Variants in MGAT4C observed in about 807,000 individuals in gnomAD.
MGAT4C encodes the protein MGAT4 family member C, also known as alpha-1,3-mannosyl-glycoprotein 4-beta-N-acetylglucosaminyltransferase C.
Under a neutral mutation model 40.1 loss-of-function variants are expected in MGAT4C, and 19 were observed. That is an observed-to-expected ratio of 0.47 (90% CI 0.33 to 0.70). MGAT4C has a LOEUF of 0.70. Among genes scored for constraint, MGAT4C ranks in the 30% least tolerant of loss-of-function variants. MGAT4C has a pLI of 0.02. For missense variants in MGAT4C, 491 were observed against 563.2 expected (o/e 0.87, Z 1.30); for synonymous variants, 181 against 187.1 (o/e 0.97, Z 0.27).
intron 2 of MGAT4C, among the ~76,000 whole-genome samples, chr12:86,559,538 A>G (rs1959767669): frequency 6.6e-6 from 1 of 152,032 alleles, no homozygotes; most frequent in African/African-American, 2.4e-5. Flanking sequence ...AAATTCAACA[A>G]CATGCTCTTG....
intron 1 of MGAT4C, among the ~76,000 whole-genome samples, chr12:86,078,746 T>C (rs1250331952): frequency 6.6e-6 from 1 of 152,182 alleles, no homozygotes; most frequent in African/African-American, 2.4e-5. Context: ...ACTTTGTTCA[T>C]GGCCCATCGG....
At chr12:86,317,971 G>A (rs550043384) in intron 4 of MGAT4C, among the ~76,000 whole-genome samples, 1 of 151,672 alleles carries the variant, frequency 6.6e-6, no homozygotes, top group East Asian at 1.9e-4. Flanking sequence ...TTTATCTTAT[G>A]TTAAAAGAAT....
chr12:86,174,899 C>T (rs774194237), intron 1 of MGAT4C, among the ~76,000 whole-genome samples: 1 of 152,040 alleles, frequency 6.6e-6, no homozygotes, highest in Non-Finnish European at 1.5e-5. Flanking sequence ...TAGCATTTAG[C>T]CTGCTTGGTA....
chr12:86,482,103 A>C (rs866008038), intron 2 of MGAT4C, among the ~76,000 whole-genome samples: 8 of 71,396 alleles, frequency 1.1e-4, no homozygotes, highest in African/African-American at 2.5e-4. Flanking sequence ...CACACACACA[A>C]GCAAGTCTTC....
At chr12:86,656,710 T>G (rs1207291296) in intron 2 of MGAT4C, among the ~76,000 whole-genome samples, 1 of 151,664 alleles carries the variant, frequency 6.6e-6, no homozygotes, top group Non-Finnish European at 1.5e-5. Context: ...AAACCTTGTG[T>G]TTTTTTTGTG....
At chr12:86,588,139 T>C (rs1394559999) in intron 2 of MGAT4C, among the ~76,000 whole-genome samples, 3 of 151,712 alleles carry the variant, frequency 2.0e-5, no homozygotes, top group African/African-American at 7.3e-5. Context: ...ACCTAATTTA[T>C]TGAGAGTTTT....
intron 3 of MGAT4C, among the ~76,000 whole-genome samples, chr12:86,402,639 A>C (rs1956390198): frequency 6.6e-6 from 1 of 152,266 alleles, no homozygotes; most frequent in African/African-American, 2.4e-5. Flanking sequence ...GACAATAAAC[A>C]ATATCTGTTA....
intron 3 of MGAT4C, among the ~76,000 whole-genome samples, chr12:86,339,566 A>G (rs1037660903): frequency 6.6e-6 from 1 of 152,176 alleles, no homozygotes; most frequent in African/African-American, 2.4e-5. Flanking sequence ...TCTTTGTATT[A>G]AACATATATA....
At chr12:86,716,596 T>G (rs568057726) in intron 2 of MGAT4C, among the ~76,000 whole-genome samples, 1 of 152,248 alleles carries the variant, frequency 6.6e-6, no homozygotes, top group South Asian at 2.1e-4. Context: ...GAGAAGTTAT[T>G]AATAGTTTGC....
chr12:86,630,601 T>A (rs1447377215), intron 2 of MGAT4C, among the ~76,000 whole-genome samples: 1 of 151,994 alleles, frequency 6.6e-6, no homozygotes, highest in Non-Finnish European at 1.5e-5. Context: ...GTTCAACATA[T>A]GCAAATCAAT....
At chr12:86,397,836 G>T (rs553375099) in intron 3 of MGAT4C, among the ~76,000 whole-genome samples, 1 of 152,238 alleles carries the variant, frequency 6.6e-6, no homozygotes, top group South Asian at 2.1e-4. Flanking sequence ...GGTGGAGCGT[G>T]CCCGTAGTCC....
At chr12:86,650,581 A>G (rs915622339) in intron 2 of MGAT4C, among the ~76,000 whole-genome samples, 1 of 151,878 alleles carries the variant, frequency 6.6e-6, no homozygotes, top group African/African-American at 2.4e-5. Context: ...TGTGGTTTTA[A>G]TTTGACTTAT....
chr12:86,442,935 T>C (rs1050012292), intron 2 of MGAT4C, among the ~76,000 whole-genome samples: 1 of 152,158 alleles, frequency 6.6e-6, no homozygotes, highest in Non-Finnish European at 1.5e-5. Context: ...TTACAACTTG[T>C]TAGAGGCTCA....
chr12:86,418,369 G>A (rs920407188), intron 3 of MGAT4C, among the ~76,000 whole-genome samples: 8 of 152,040 alleles, frequency 5.3e-5, no homozygotes, highest in African/African-American at 7.2e-5. Context: ...TTGGGAGGCC[G>A]AGATGTGCAA....
intron 1 of MGAT4C, among the ~76,000 whole-genome samples, chr12:86,134,104 T>C (rs1002685744): frequency 6.6e-6 from 1 of 152,142 alleles, no homozygotes; most frequent in South Asian, 2.1e-4. Flanking sequence ...TACAATTCTA[T>C]GTTACTCATA....
intron 1 of MGAT4C, among the ~76,000 whole-genome samples, chr12:86,073,512 G>T (rs949419345): frequency 2.0e-5 from 3 of 152,308 alleles, no homozygotes; most frequent in Non-Finnish European, 2.9e-5. Context: ...GCTTCCTGGA[G>T]ACTTGTTGAA....
intron 2 of MGAT4C, among the ~76,000 whole-genome samples, chr12:86,511,772 G>A (rs550967655): frequency 6.6e-6 from 1 of 152,160 alleles, no homozygotes; most frequent in South Asian, 2.1e-4. Context: ...TGTAAATAAA[G>A]GCTTAAAATA....
At chr12:86,424,907 C>T (rs1375901729) in intron 3 of MGAT4C, among the ~76,000 whole-genome samples, 2 of 152,104 alleles carry the variant, frequency 1.3e-5, no homozygotes, top group East Asian at 3.9e-4. Flanking sequence ...CAGGTGCGTG[C>T]TCCAATGCCT....
At chr12:86,170,692 C>T (rs1490625605) in intron 1 of MGAT4C, among the ~76,000 whole-genome samples, 1 of 152,144 alleles carries the variant, frequency 6.6e-6, no homozygotes, top group Non-Finnish European at 1.5e-5. Context: ...GTGGCTCACA[C>T]CTGTAATCCC....
Sources: allele counts gnomAD v4.1 joint callset (sites outside exome capture counted in the v4.1 genomes callset), GRCh38; gene constraint gnomAD v4.1.1; transcripts MANE v1.5; gene names NCBI Gene and HGNC (gene_info 2026-07-23, HGNC 2026-07-21).